The following USP24 variants were observed in gnomAD, a reference collection of about 807,000 sequenced individuals.
USP24 encodes the protein ubiquitin carboxyl-terminal hydrolase 24.
In USP24, 97 loss-of-function variants were observed where a neutral mutation model predicts 361.6. The observed-to-expected ratio is 0.27, with a 90% CI of 0.23 to 0.32. The LOEUF (loss-of-function observed/expected upper bound fraction) is 0.32. USP24 is among the 10% of genes least tolerant of loss of function. USP24 has a pLI of 1.00. For synonymous variants in USP24, 1,098 were observed against 1,124.6 expected, an observed-to-expected ratio of 0.98 and a Z score of 0.47; for missense variants, 2,353 against 3,165.6, an observed-to-expected ratio of 0.74 and a Z score of 6.16.
chr1:55,196,077 C>T (rs1454665399), intron 1 of USP24, among the ~76,000 whole-genome samples: 1 of 152,164 alleles, frequency 6.6e-6, no homozygotes, highest in Non-Finnish European at 1.5e-5. Context: ...CTCATATACA[C>T]ATTTAATTCT....
At chr1:55,166,400 T>C (rs912808733) in intron 6 of USP24, among the ~76,000 whole-genome samples, 168 bp downstream of exon 6, 1 of 152,118 alleles carries the variant, frequency 6.6e-6, no homozygotes, top group Non-Finnish European at 1.5e-5. Flanking sequence ...GATGTTTACC[T>C]GCTAGTATTG....
chr1:55,168,923 G>A (rs1357510884), intron 5 of USP24, among the ~76,000 whole-genome samples: 1 of 152,052 alleles, frequency 6.6e-6, no homozygotes, highest in East Asian at 1.9e-4. Flanking sequence ...TAGATTAAAT[G>A]CTAAGAAATA....
At chr1:55,145,615 C>T (rs1378837639) in intron 20 of USP24, among the ~76,000 whole-genome samples, 1 of 152,094 alleles carries the variant, frequency 6.6e-6, no homozygotes, top group Non-Finnish European at 1.5e-5. Flanking sequence ...TAAAAGCCAC[C>T]ATTTGTACAC....
At chr1:55,212,074 AG>A (rs1309748803) in intron 1 of USP24, among the ~76,000 whole-genome samples, 1 of 152,212 alleles carries the variant, frequency 6.6e-6, no homozygotes, top group Non-Finnish European at 1.5e-5. Flanking sequence ...CCTGAGTACT[AG>A]CCCCACCTCT....
At chr1:55,115,054 AAAC>A (rs1646066268) in intron 38 of USP24, among the ~76,000 whole-genome samples, 1 of 152,172 alleles carries the variant, frequency 6.6e-6, no homozygotes, top group Non-Finnish European at 1.5e-5. Flanking sequence ...TACAAGAAAA[AAAC>A]AACTCCATCG....
rs1214003579 is a variant in USP24, at chr1:55,214,884, T to C, written c.230A>G (p.Asp77Gly). The C allele has an allele frequency of 2.4e-6, 3 of 1,226,042 alleles. No homozygotes were observed. Among genetic ancestry groups the C allele is most frequent in the East Asian group, 3.4e-5 (1 of 29,608 alleles). 75.9% of individuals were successfully genotyped at this position (1,226,042 alleles called of 1,614,324 possible). A position where few individuals can be genotyped will look rare whatever the true frequency, so the allele number is the denominator to read the frequency against. ...GGGPRGDGGG[D>G]GGGGGPSRGG... ...GCGGGAGGGGCCGCCGCCGCCGCCG[T>C]CACCTCCGCCGTCGCCCCGCGGGCC... Residue 77 changes from aspartate (D) to glycine (G), a missense_variant, in exon 1 of 68, where the codon GAC becomes GGC. Physicochemically the swap from Asp to Gly is moderately conservative, Grantham distance 94. Transcript: ENST00000294383.
At chr1:55,126,473 C>T (rs1646433280) in intron 32 of USP24, among the ~76,000 whole-genome samples, 1 of 152,174 alleles carries the variant, frequency 6.6e-6, no homozygotes, top group South Asian at 2.1e-4. Flanking sequence ...TAATTGTCTC[C>T]CCCTCTAGAC....
At position 55,079,653 on chromosome 1, in the gene USP24, C is replaced by A. The variant is rs1323136367; in HGVS notation, c.7085G>T (p.Gly2362Val). The part of the protein sequence containing the change: ...DVSSQRNVAP[G>V]IFKQRPPISI... ...AATGGGTGGTCGTTGCTTAAATATG[C>A]CAGGAGCTTTAGGAGACCAAAGAAA... Residue 2362 changes from glycine to valine, a missense_variant, in exon 60 of 68, where the codon GGC (glycine) becomes GTC (valine). By Grantham distance (109) the Gly-to-Val change is moderately radical. Around this residue, in one of 8 missense-constraint regions of USP24, gnomAD observed 598 missense variants for 761.9 expected, o/e 0.78. Transcript: ENST00000294383. The A allele has an allele frequency of 2.0e-6, 3 of 1,535,210 alleles. No individual in the cohort carries two copies. The highest frequency in any genetic ancestry group is 2.5e-5 in the Admixed American group (1 of 40,508).
intron 53 of USP24, 57 bp from the exon 54 acceptor site, chr1:55,092,183 C>T: frequency 8.8e-7 from 1 of 1,136,772 alleles, no homozygotes; most frequent in Non-Finnish European, 1.2e-6. Context: ...TAGATTATTA[C>T]ACAGTTACGA....
chr1:55,131,755 T>C (rs1164739013), intron 31 of USP24, among the ~76,000 whole-genome samples: 1 of 152,234 alleles, frequency 6.6e-6, no homozygotes, highest in Non-Finnish European at 1.5e-5. Context: ...TTTTGACTTT[T>C]GTGTACTTAA....
At chr1:55,151,720 G>C (rs1647198497) in intron 16 of USP24, among the ~76,000 whole-genome samples, 1 of 152,106 alleles carries the variant, frequency 6.6e-6, no homozygotes, top group African/African-American at 2.4e-5. Context: ...AAGGAAAGAG[G>C]ACCAAGGGAG....
intron 1 of USP24, among the ~76,000 whole-genome samples, chr1:55,193,839 GT>G (rs1454830511): frequency 5.3e-5 from 8 of 152,098 alleles, no homozygotes; most frequent in Non-Finnish European, 1.2e-4. Context: ...ATAAGGCAAA[GT>G]TACTCACCAG....
At chr1:55,137,742 A>G (rs1165898484) in intron 27 of USP24, 54 bp from the exon 28 acceptor site, 6 of 1,563,750 alleles carry the variant, frequency 3.8e-6, no homozygotes, top group Admixed American at 1.9e-5. Context: ...GAAATTATTC[A>G]TATCAGGCTA....
intron 31 of USP24, among the ~76,000 whole-genome samples, 193 bp downstream of exon 31, chr1:55,132,352 G>A (rs1182111523): frequency 6.6e-6 from 1 of 152,160 alleles, no homozygotes; most frequent in Non-Finnish European, 1.5e-5. Context: ...AATGGGCTAA[G>A]GTAGTAATAA....
intron 43 of USP24, 65 bp downstream of exon 43, chr1:55,101,519 G>T: frequency 6.5e-7 from 1 of 1,543,756 alleles, no homozygotes; most frequent in East Asian, 2.4e-5. Context: ...AAAAAACTAT[G>T]AAACAATTTT....
intron 16 of USP24, 91 bp from the exon 17 acceptor site, chr1:55,148,661 T>C: frequency 1.1e-6 from 1 of 889,954 alleles, no homozygotes; most frequent in Non-Finnish European, 1.7e-6. Context: ...CAATCAGGTT[T>C]ACTGTTACAC....
chr1:55,097,726 A>C lies in USP24; in HGVS notation c.5596-9T>G, dbSNP rs763292190. Reference sequence around the variant, plus strand: ...CTTTTCACTGTTATTCTCTAAAGAAAAAAAAAAGGAAAAAGAGCAAATCTG... The same window carrying C: ...CTTTTCACTGTTATTCTCTAAAGAACAAAAAAAGGAAAAAGAGCAAATCTG... On this transcript the variant is annotated splice_polypyrimidine_tract_variant and intron_variant, in intron 47 of 67. Transcript: ENST00000294383. The C allele has an allele frequency of 1.8e-5, 28 of 1,525,616 alleles. No homozygotes were observed. The African/African-American group carries it at 3.7e-4, about 20-fold the overall frequency. The allele number at this position is 1,525,616 out of a possible 1,614,324, so 94.5% of individuals were successfully genotyped here.
chr1:55,190,986 A>G (rs937802865), intron 1 of USP24, among the ~76,000 whole-genome samples: 3 of 152,240 alleles, frequency 2.0e-5, no homozygotes, highest in Non-Finnish European at 4.4e-5. Context: ...ATACTCCATC[A>G]ACTTCATTTA....
chr1:55,143,141 A>C (rs1646935368), intron 21 of USP24, 22 bp from the exon 22 acceptor site: 1 of 1,461,800 alleles, frequency 6.8e-7, no homozygotes, highest in Non-Finnish European at 9.0e-7. Context: ...AAAAAAAATT[A>C]AATTATAAAG....
Sources: allele counts gnomAD v4.1 joint callset (sites outside exome capture counted in the v4.1 genomes callset), GRCh38; gene constraint gnomAD v4.1.1; regional missense constraint gnomAD v4.1.1; transcripts MANE v1.5; gene names NCBI Gene and HGNC (gene_info 2026-07-23, HGNC 2026-07-21).